The following LAMA2 variants were observed in gnomAD, a reference collection of about 807,000 sequenced individuals.
LAMA2 encodes laminin subunit alpha-2.
Under a neutral mutation model 364.8 loss-of-function variants are expected in LAMA2, and 269 were observed. The observed-to-expected ratio is 0.74, with a 90% confidence interval of 0.67 to 0.82. The LOEUF (loss-of-function observed/expected upper bound fraction) is 0.82. Among genes scored for constraint, LAMA2 ranks in the 40% least tolerant of loss-of-function variants. LAMA2 has a pLI of 0.00. For synonymous variants in LAMA2, 1,379 were observed against 1,370.6 expected, an observed-to-expected ratio of 1.01 and a Z score of -0.14; for missense variants, 3,807 against 3,873.2, an observed-to-expected ratio of 0.98 and a Z score of 0.45.
intron 22 of LAMA2, among the ~76,000 whole-genome samples, chr6:129,308,786 AG>A (rs1023740176): frequency 4.6e-5 from 7 of 152,198 alleles, no homozygotes; most frequent in African/African-American, 1.7e-4. Context: ...TTTCTGGTGA[AG>A]GCCTCAGGAA....
intron 1 of LAMA2, among the ~76,000 whole-genome samples, chr6:129,024,306 CCTAGAGGAAACAGAGT>C (rs1785652238): frequency 6.6e-6 from 1 of 150,882 alleles, no homozygotes; most frequent in Non-Finnish European, 1.5e-5. Context: ...ATTCTTAATT[CCTAGAGGAAACAGAGT>C]TATGTCCAAG....
At chr6:129,107,112 G>A (rs1379290792) in intron 4 of LAMA2, among the ~76,000 whole-genome samples, 1 of 152,006 alleles carries the variant, frequency 6.6e-6, no homozygotes, top group Non-Finnish European at 1.5e-5. Flanking sequence ...GTGAAAGAAG[G>A]TACAAAGACA....
At chr6:129,516,162 C>G (rs375131906) in intron 64 of LAMA2, 28 bp from the exon 65 acceptor site, 160 of 1,613,284 alleles carry the variant, frequency 9.9e-5, no homozygotes, top group Non-Finnish European at 1.3e-4. Context: ...CATTTCAAAG[C>G]TGAGCCCTCT....
At chr6:129,280,247 GCC>G in intron 18 of LAMA2, 100 bp downstream of exon 18, 1 of 788,266 alleles carries the variant, frequency 1.3e-6, no homozygotes, top group Non-Finnish European at 2.3e-6. Context: ...GAGAAAAAAG[GCC>G]ACACTCAATG....
In LAMA2 at chr6:129,516,494, C is replaced by G. The variant is rs1583966821; in HGVS notation, c.*147C>G. 5.3e-6 allele frequency: 4 copies of G among 755,916 alleles called. No homozygotes were observed. In the East Asian group the frequency reaches 1.1e-4, roughly 20 times the overall value. 46.8% of individuals were successfully genotyped at this position (755,916 alleles called of 1,614,324 possible). On this transcript the variant is annotated 3_prime_UTR_variant, in exon 65 of 65. Transcript: ENST00000421865. ...TGTATTCAGATGGTGCTAATTCAGA[C>G]TCCAGACTGAATTTTAATTCAAGTT...
At chr6:129,198,712 A>T (rs1781996022) in intron 12 of LAMA2, among the ~76,000 whole-genome samples, 1 of 152,208 alleles carries the variant, frequency 6.6e-6, no homozygotes, top group African/African-American at 2.4e-5. Flanking sequence ...AAGTATCAGA[A>T]AATAAACAAA....
chr6:129,316,013 T>G, intron 26 of LAMA2, 25 bp from the exon 27 acceptor site: 1 of 1,614,018 alleles, frequency 6.2e-7, no homozygotes, highest in Non-Finnish European at 8.5e-7. Context: ...AGTTTTGTCA[T>G]AGTGATTTCT....
At chr6:128,926,371 A>G (rs1779100806) in intron 1 of LAMA2, among the ~76,000 whole-genome samples, 2 of 152,234 alleles carry the variant, frequency 1.3e-5, no homozygotes, top group Non-Finnish European at 2.9e-5. Context: ...TTCAAGGATC[A>G]GAACATATCA....
intron 41 of LAMA2, among the ~76,000 whole-genome samples, chr6:129,432,800 G>C (rs1157890508): frequency 6.6e-6 from 1 of 152,268 alleles, no homozygotes; most frequent in Non-Finnish European, 1.5e-5. Context: ...CATTCCACTG[G>C]CTGCAGAGGG....
At chr6:129,017,727 GT>G (rs934504298) in intron 1 of LAMA2, among the ~76,000 whole-genome samples, 3 of 151,758 alleles carry the variant, frequency 2.0e-5, no homozygotes, top group African/African-American at 7.3e-5. Context: ...TTTAAACAAG[GT>G]TTTTTTCCTG....
intron 22 of LAMA2, among the ~76,000 whole-genome samples, chr6:129,306,161 CTT>C (rs1157450938): frequency 6.6e-6 from 1 of 151,822 alleles, no homozygotes; most frequent in Admixed American, 6.6e-5. Flanking sequence ...TCCTATAACT[CTT>C]TTTCCTTGTG....
chr6:128,911,871 A>G (rs2114459471), intron 1 of LAMA2, among the ~76,000 whole-genome samples: 1 of 152,198 alleles, frequency 6.6e-6, no homozygotes, highest in South Asian at 2.1e-4. Flanking sequence ...TCTGTCTTAG[A>G]ATTTCCTTTA....
At chr6:129,353,448 C>A in intron 32 of LAMA2, 91 bp downstream of exon 32, 1 of 771,438 alleles carries the variant, frequency 1.3e-6, no homozygotes, top group Non-Finnish European at 2.1e-6. Context: ...CCCCGCCCGC[C>A]TTTTTTTTTT....
At chr6:129,110,281 A>T (rs1326628205) in intron 4 of LAMA2, among the ~76,000 whole-genome samples, 1 of 152,070 alleles carries the variant, frequency 6.6e-6, no homozygotes, top group Non-Finnish European at 1.5e-5. Context: ...AAAGAAAAGA[A>T]CTATTAAATG....
intron 4 of LAMA2, among the ~76,000 whole-genome samples, chr6:129,142,557 T>C (rs1166281439): frequency 6.6e-6 from 1 of 151,996 alleles, no homozygotes; most frequent in East Asian, 1.9e-4. Context: ...TTCAGTCCAT[T>C]AGCCATATTC....
chr6:129,078,070 G>T (rs1019444459), intron 3 of LAMA2, among the ~76,000 whole-genome samples: 1 of 152,128 alleles, frequency 6.6e-6, no homozygotes, highest in African/African-American at 2.4e-5. Context: ...TCTACTGGGG[G>T]ATAGTGATAA....
chr6:129,441,455 A>G (rs970519229), intron 43 of LAMA2, among the ~76,000 whole-genome samples: 2 of 152,150 alleles, frequency 1.3e-5, no homozygotes, highest in Admixed American at 6.5e-5. Flanking sequence ...GAAAATCTTG[A>G]TATTTTATTA....
At chr6:129,168,827 C>A (rs1253341050) in intron 9 of LAMA2, among the ~76,000 whole-genome samples, 1 of 139,682 alleles carries the variant, frequency 7.2e-6, no homozygotes, top group African/African-American at 2.7e-5. Context: ...TGTTTGTATC[C>A]TCTTTTATTT....
chr6:129,453,066 A>G lies in LAMA2; in HGVS notation c.6508A>G (p.Ile2170Val), dbSNP rs1562577639. 1 of 1,612,842 alleles carries G rather than the reference A, an allele frequency of 6.2e-7. No individual in the cohort carries two copies. The highest frequency in any genetic ancestry group is 2.2e-5 in the East Asian group (1 of 44,760). ...PEIKKGSYNNIVVNVKTAVAD... is the reference protein window; with the variant it reads ...PEIKKGSYNNVVVNVKTAVAD... ...AATCAAGAAAGGAAGTTACAATAAT[A>G]TTGTTGTCAACGTAAAGACAGCTGT... The change falls in exon 46 of 65, where the codon ATT becomes GTT. Residue 2170 changes from isoleucine to valine, a missense_variant. Coordinates refer to ENST00000421865, the MANE Select transcript of LAMA2 (RefSeq NM_000426.4).
Sources: allele counts gnomAD v4.1 joint callset (sites outside exome capture counted in the v4.1 genomes callset), GRCh38; gene constraint gnomAD v4.1.1; transcripts MANE v1.5; gene names NCBI Gene and HGNC (gene_info 2026-07-23, HGNC 2026-07-21).